Variants in ZFAT observed in about 807,000 individuals in gnomAD.
ZFAT encodes zinc finger and AT-hook domain containing, also known as zinc finger protein ZFAT.
In ZFAT, 64 loss-of-function variants were observed where a neutral mutation model predicts 117.7. The ratio of observed to expected loss-of-function variants is 0.54; its 90% CI spans 0.44 to 0.67. ZFAT has a LOEUF of 0.67. ZFAT is among the 30% of genes least tolerant of loss of function. The pLI, the probability that ZFAT is intolerant of heterozygous loss-of-function variation, is 0.00. For synonymous variants in ZFAT, 679 were observed against 615.0 expected (o/e 1.10, Z -1.54); for missense variants, 1,433 against 1,584.5 (o/e 0.90, Z 1.62).
At chr8:134,634,638 C>T (rs923360523) in intron 3 of ZFAT, among the ~76,000 whole-genome samples, 2 of 152,122 alleles carry the variant, frequency 1.3e-5, no homozygotes, top group Non-Finnish European at 2.9e-5. Context: ...GTATTTACAA[C>T]AGTGAAAAAT....
intron 9 of ZFAT, among the ~76,000 whole-genome samples, chr8:134,585,643 A>G (rs1826017902): frequency 6.6e-6 from 1 of 152,142 alleles, no homozygotes; most frequent in South Asian, 2.1e-4. Flanking sequence ...AGTCACCTAA[A>G]CAGCTCTGCA....
In ZFAT at chr8:134,599,402, CAT is replaced by C. The variant is rs769465575; in HGVS notation, c.2475+1032_2475+1033del. The C allele has an allele frequency of 7.5e-4, 169 of 224,670 alleles. 1 individual carries two copies. The highest frequency in any genetic ancestry group is 1.1e-3 in the Non-Finnish European group (128 of 111,516). 13.9% of individuals were successfully genotyped at this position (224,670 alleles called of 1,614,324 possible). The stretch of plus-strand genomic sequence containing the variant: ...ACACATCTGTATATGTGTGTATATG[CAT>C]ATGTGTGTGGATGTATATAAAATAG... On this transcript the variant is annotated intron_variant, in intron 7 of 15. Coordinates refer to ENST00000377838, the MANE Select transcript of ZFAT (RefSeq NM_020863.4).
chr8:134,788,075 AAT>A, the ZFAT span, among the ~76,000 whole-genome samples: 3 of 152,126 alleles, frequency 2.0e-5, no homozygotes, highest in Non-Finnish European at 4.4e-5. Flanking sequence ...TAATATCTCA[AAT>A]ATGTTAAACA....
intron 7 of ZFAT, 62 bp from the exon 8 acceptor site, chr8:134,590,417 T>G (rs1826378516): frequency 7.1e-7 from 1 of 1,410,366 alleles, no homozygotes; most frequent in Non-Finnish European, 9.9e-7. Context: ...CTGTAAAAAA[T>G]AACCATCATC....
chr8:134,737,169 A>T, the ZFAT span, among the ~76,000 whole-genome samples: 1 of 152,094 alleles, frequency 6.6e-6, no homozygotes, highest in South Asian at 2.1e-4. Context: ...AATCCCAGCT[A>T]CCCAGGAGGC....
chr8:134,816,929 A>T, the ZFAT span, among the ~76,000 whole-genome samples: 45,209 of 150,572 alleles, frequency 0.3, 7,381 homozygotes, highest in African/African-American at 0.42. Context: ...TGCAGTGAGC[A>T]GAGATCATGC....
intron 6 of ZFAT, among the ~76,000 whole-genome samples, chr8:134,601,197 A>G (rs1827416798): frequency 6.6e-6 from 1 of 152,142 alleles, no homozygotes. Context: ...GTGCCAGAAG[A>G]AAGATTCTTC....
At chr8:134,690,496 G>A (rs148555062) in intron 1 of ZFAT, among the ~76,000 whole-genome samples, 48 of 152,272 alleles carry the variant, frequency 3.2e-4, no homozygotes, top group African/African-American at 1.0e-3. Context: ...CCAAATGTCC[G>A]CTTTATGAAA....
chr8:134,741,507 G>C, the ZFAT span, among the ~76,000 whole-genome samples: 14 of 152,220 alleles, frequency 9.2e-5, no homozygotes, highest in Non-Finnish European at 1.6e-4. Flanking sequence ...GCCCTGGACT[G>C]TCCACCTCAG....
chr8:134,511,242 A>T (rs1819815562), intron 14 of ZFAT, among the ~76,000 whole-genome samples: 1 of 151,538 alleles, frequency 6.6e-6, no homozygotes, highest in Non-Finnish European at 1.5e-5. Flanking sequence ...TGAGAGTGAG[A>T]GTGTGTGTGG....
the ZFAT span, among the ~76,000 whole-genome samples, chr8:134,757,819 C>G: frequency 6.6e-6 from 1 of 152,082 alleles, no homozygotes; most frequent in Non-Finnish European, 1.5e-5. Context: ...ATGCTGGTTT[C>G]TCTCCCTAGT....
At chr8:134,669,685 C>T (rs574569879) in intron 1 of ZFAT, among the ~76,000 whole-genome samples, 4 of 152,324 alleles carry the variant, frequency 2.6e-5, no homozygotes, top group African/African-American at 9.6e-5. Context: ...TAGGAAGAAA[C>T]TGCATCAACT....
chr8:134,794,865 A>T, the ZFAT span: 11 of 152,354 alleles, frequency 7.2e-5, no homozygotes, highest in Admixed American at 2.0e-4. Context: ...ATGAGCTTGG[A>T]AGCAAAATAA....
chr8:134,727,139 A>T, the ZFAT span, among the ~76,000 whole-genome samples: 1 of 152,174 alleles, frequency 6.6e-6, no homozygotes, highest in Non-Finnish European at 1.5e-5. Context: ...GTGGAGAAAA[A>T]AAAAAACAAA....
chr8:134,696,338 G>A (rs1197002156), intron 1 of ZFAT: 4 of 976,036 alleles, frequency 4.1e-6, no homozygotes, highest in Non-Finnish European at 3.7e-6. Context: ...GTTGCTATAG[G>A]CGACCAGGAG....
At chr8:134,753,001 A>G in the ZFAT span, among the ~76,000 whole-genome samples, 46,681 of 151,928 alleles carry the variant, frequency 0.31, 7,337 homozygotes, top group South Asian at 0.34. Flanking sequence ...GACTTTTGGT[A>G]TCCAGTGTCC....
At chr8:134,512,666 A>G in intron 13 of ZFAT, 65 bp from the exon 14 acceptor site, 2 of 1,570,676 alleles carry the variant, frequency 1.3e-6, no homozygotes, top group East Asian at 2.3e-5. Flanking sequence ...AAGTTCCAAG[A>G]TAACATACTA....
Position 134,637,619 on chromosome 8 carries a change from G to A in ZFAT, c.290C>T (p.Pro97Leu), listed in dbSNP as rs375401473. 137 of 1,614,194 alleles carry A rather than the reference G, an allele frequency of 8.5e-5. 2 individuals carry two copies. The South Asian group carries it at 1.1e-3, about 13-fold the overall frequency. ...CGGAGCCAGCGGGCTGTCCTCAGTC[G>A]GACTCACGATGTTTTCTGCCAGCTC... The part of the protein sequence containing the change: ...EEELAENIVS[P>L]TEDSPLAPEE... The change falls in exon 3 of 16, where the codon CCG becomes CTG. Residue 97 changes from proline (P) to leucine (L), a missense_variant. Physicochemically the swap from Pro to Leu is moderately conservative, Grantham distance 98 (BLOSUM62 -3). Transcript: ENST00000377838.
At chr8:134,605,026 C>T (rs60257886) in intron 5 of ZFAT, among the ~76,000 whole-genome samples, 3 of 152,178 alleles carry the variant, frequency 2.0e-5, no homozygotes, top group African/African-American at 4.8e-5. Flanking sequence ...TTTGCTCTGA[C>T]TTTTTGTATT....
Sources: gnomAD v4.1 joint callset for allele counts (sites outside exome capture counted in the v4.1 genomes callset) on GRCh38, gnomAD v4.1.1 for gene constraint, MANE v1.5 for transcripts, NCBI Gene and HGNC (gene_info 2026-07-23, HGNC 2026-07-21) for gene names.